The following DLG2 variants were observed in gnomAD, a reference collection of about 807,000 sequenced individuals.
DLG2 encodes discs large MAGUK scaffold protein 2, also known as disks large homolog 2.
A neutral mutation model predicts 132.5 loss-of-function variants in DLG2; 45 were observed. The ratio of observed to expected loss-of-function variants is 0.34; its 90% CI spans 0.27 to 0.44. The LOEUF (loss-of-function observed/expected upper bound fraction) is 0.44, where lower values mean the gene tolerates loss of function less well. DLG2 is among the 20% of genes least tolerant of loss of function. The pLI is 1.00. For synonymous variants in DLG2, 424 were observed against 419.6 expected (o/e 1.01, Z -0.13); for missense variants, 1,045 against 1,196.9 (o/e 0.87, Z 1.87).
chr11:84,367,403 C>A (rs1301126493), intron 7 of DLG2, among the ~76,000 whole-genome samples: 2 of 152,086 alleles, frequency 1.3e-5, no homozygotes, highest in Non-Finnish European at 2.9e-5. Context: ...AAAACCAGCA[C>A]TGGGACAGAC....
Position 85,246,206 on chromosome 11 carries a change from T to C in DLG2, c.186+39014A>G, listed in dbSNP as rs532825638. Among the ~76,000 whole-genome samples the C allele has an allele frequency of 3.3e-5, 5 of 152,048 alleles. No homozygotes were observed. The South Asian group carries it at 1.0e-3, about 32-fold the overall frequency. On this transcript the variant is annotated intron_variant, in intron 4 of 27. Transcript: ENST00000376104. The stretch of plus-strand genomic sequence containing the variant: ...ATGCCTATAAAAGTATCAAGAAATA[T>C]TGAAGAACTCAAAAAATAAGTATCA...
At chr11:84,626,871 T>TTTATTTTATTTTATTTTA (rs1565492022) in intron 6 of DLG2, among the ~76,000 whole-genome samples, 4 of 146,032 alleles carry the variant, frequency 2.7e-5, no homozygotes, top group African/African-American at 1.1e-4. Flanking sequence ...TTTATTTTAT[T>TTTATTTTATTTTATTTTA]TTATTTTATT....
At chr11:84,249,048 C>T (rs2097338825) in intron 8 of DLG2, among the ~76,000 whole-genome samples, 1 of 152,196 alleles carries the variant, frequency 6.6e-6, no homozygotes, top group African/African-American at 2.4e-5. Flanking sequence ...ACCCTTAGAT[C>T]TTACTGATAA....
rs34754104 is a variant in DLG2 at position 83,641,862 on chromosome 11, AGTGTGTGTGTGTGT to A, written c.1826-8551_1826-8538del. 2.9e-4 allele frequency among the ~76,000 whole-genome samples: 43 copies of A among 147,818 alleles called. 1 individual carries two copies. The highest frequency in any genetic ancestry group is 2.7e-3 in the Admixed American group (39 of 14,690). On this transcript the variant is annotated intron_variant, in intron 18 of 27. Coordinates refer to ENST00000376104, the MANE Select transcript of DLG2 (RefSeq NM_001142699.3). Reference sequence around the variant, plus strand: ...TGGCTTACAAATCCAAGAGAGAGGGAGTGTGTGTGTGTGTGTGTGTGTGTGTGTGTATGTGTGTT... The same window carrying A: ...TGGCTTACAAATCCAAGAGAGAGGGAGTGTGTGTGTGTGTGTATGTGTGTT...
chr11:84,725,491 A>G (rs780750664), intron 6 of DLG2, among the ~76,000 whole-genome samples: 4 of 152,116 alleles, frequency 2.6e-5, no homozygotes, highest in African/African-American at 4.8e-5. Context: ...CATTTTTATC[A>G]TTGAGTTTCC....
chr11:85,212,882 T>C (rs1237114937), intron 4 of DLG2, among the ~76,000 whole-genome samples: 1 of 152,158 alleles, frequency 6.6e-6, no homozygotes, highest in Non-Finnish European at 1.5e-5. Context: ...TGTCTCTCTA[T>C]GTCTTTAAGG....
chr11:85,326,863 G>C (rs1169394479), intron 3 of DLG2, among the ~76,000 whole-genome samples: 20 of 490 alleles, frequency 0.041, 3 homozygotes, highest in African/African-American at 0.077. Context: ...TCAGTGTGCT[G>C]TATTCAGGAA....
chr11:84,343,638 T>C (rs1167497925), intron 7 of DLG2, among the ~76,000 whole-genome samples: 1 of 152,136 alleles, frequency 6.6e-6, no homozygotes, highest in Non-Finnish European at 1.5e-5. Flanking sequence ...ATACCTGATT[T>C]TGTGCTTCAA....
At chr11:85,089,184 A>C (rs1231308760) in intron 6 of DLG2, among the ~76,000 whole-genome samples, 1 of 151,952 alleles carries the variant, frequency 6.6e-6, no homozygotes, top group African/African-American at 2.4e-5. Context: ...TGTTACATGC[A>C]TATATTGCAT....
intron 6 of DLG2, among the ~76,000 whole-genome samples, chr11:84,769,226 T>C (rs951351413): frequency 2.0e-5 from 3 of 152,022 alleles, no homozygotes; most frequent in Admixed American, 6.6e-5. Context: ...AAGTTAAAAA[T>C]CTACACAAAG....
intron 6 of DLG2, among the ~76,000 whole-genome samples, chr11:85,018,666 T>G (rs533297210): frequency 6.6e-6 from 1 of 152,088 alleles, no homozygotes; most frequent in Non-Finnish European, 1.5e-5. Context: ...GACTTTAACA[T>G]GAATATTCAT....
chr11:83,810,460 A>C (rs1157848392), intron 17 of DLG2, among the ~76,000 whole-genome samples: 1 of 152,110 alleles, frequency 6.6e-6, no homozygotes, highest in Non-Finnish European at 1.5e-5. Context: ...TCCTAAAGGA[A>C]GAAAAATCCA....
intron 23 of DLG2, among the ~76,000 whole-genome samples, chr11:83,472,210 G>C (rs1380427884): frequency 6.6e-6 from 1 of 152,012 alleles, no homozygotes; most frequent in Non-Finnish European, 1.5e-5. Context: ...CTTGTATCTG[G>C]GATTAGAAGG....
intron 21 of DLG2, among the ~76,000 whole-genome samples, chr11:83,526,533 A>C (rs1451604751): frequency 6.6e-6 from 1 of 152,158 alleles, no homozygotes; most frequent in Non-Finnish European, 1.5e-5. Flanking sequence ...GAAGGACCTC[A>C]TAATGCAGCC....
intron 27 of DLG2, among the ~76,000 whole-genome samples, chr11:83,460,737 A>T (rs1229928177): frequency 8.5e-5 from 13 of 152,242 alleles, no homozygotes; most frequent in Admixed American, 5.2e-4. Context: ...TAGATATTTA[A>T]AAACAATCCT....
chr11:84,788,930 CCTCA>C (rs1190218578), intron 6 of DLG2, among the ~76,000 whole-genome samples: 1 of 152,108 alleles, frequency 6.6e-6, no homozygotes, highest in Non-Finnish European at 1.5e-5. Context: ...GCTCTGTTTT[CCTCA>C]CTAAGACCAG....
At chr11:85,528,342 C>T (rs561734167) in intron 3 of DLG2, among the ~76,000 whole-genome samples, 4 of 152,220 alleles carry the variant, frequency 2.6e-5, no homozygotes, top group African/African-American at 7.2e-5. Flanking sequence ...GTCTTTAACC[C>T]ATCTTGAGTT....
intron 6 of DLG2, among the ~76,000 whole-genome samples, chr11:85,007,733 G>A (rs1392477919): frequency 2.0e-5 from 3 of 150,192 alleles, no homozygotes; most frequent in Non-Finnish European, 4.4e-5. Flanking sequence ...AAGAGTAAGA[G>A]AGGAGAAAAC....
In DLG2 at chr11:85,277,185, T is replaced by A. The variant is rs188808101; in HGVS notation, c.186+8035A>T. 9.9e-5 allele frequency among the ~76,000 whole-genome samples: 15 copies of A among 152,210 alleles called. No homozygotes were observed. In the East Asian group the frequency reaches 2.9e-3, roughly 29 times the overall value. On this transcript the variant is annotated intron_variant, in intron 4 of 27. Transcript: ENST00000376104. ...TCTGTAAAAAATGAAGATCAATAAA[T>A]AGTTTTAAAACTGTTAGCCTAGGGA...
Sources: gnomAD v4.1 joint callset for allele counts (sites outside exome capture counted in the v4.1 genomes callset) on GRCh38, gnomAD v4.1.1 for gene constraint, MANE v1.5 for transcripts, NCBI Gene and HGNC (gene_info 2026-07-23, HGNC 2026-07-21) for gene names.